The following TBC1D8 variants were observed in gnomAD, a reference collection of about 807,000 sequenced individuals.
TBC1D8 encodes the protein BUB2-like protein 1.
In TBC1D8, 65 loss-of-function variants were observed where a neutral mutation model predicts 118.8. That is an observed-to-expected ratio of 0.55 (90% CI 0.45 to 0.67). TBC1D8 has a LOEUF of 0.67. Ranked by LOEUF, TBC1D8 falls within the 30% of genes least tolerant of loss-of-function variation. TBC1D8 has a pLI of 0.00. For synonymous variants in TBC1D8, 566 were observed against 595.8 expected, an observed-to-expected ratio of 0.95 and a Z score of 0.73; for missense variants, 1,376 against 1,471.2, an observed-to-expected ratio of 0.94 and a Z score of 1.06.
chr2:101,054,406 G>A, intron 3 of TBC1D8, 70 bp from the exon 4 acceptor site: 1 of 1,487,212 alleles, frequency 6.7e-7, no homozygotes, highest in African/African-American at 1.4e-5. Context: ...CAAGGGACAG[G>A]AAGCAGGAGG....
chr2:101,036,604 A>G (rs1573911640), intron 8 of TBC1D8, among the ~76,000 whole-genome samples: 1 of 152,084 alleles, frequency 6.6e-6, no homozygotes, highest in Non-Finnish European at 1.5e-5. Context: ...GGGCATCACA[A>G]TTTCCCCTGA....
chr2:101,048,772 A>T (rs970041615), intron 5 of TBC1D8, among the ~76,000 whole-genome samples: 1 of 152,204 alleles, frequency 6.6e-6, no homozygotes, highest in Non-Finnish European at 1.5e-5. Context: ...TTATTACTGA[A>T]CACTAACTTT....
intron 1 of TBC1D8, among the ~76,000 whole-genome samples, chr2:101,112,805 T>C (rs1677663625): frequency 2.6e-5 from 4 of 152,188 alleles, no homozygotes. Context: ...CAGTAGCCCC[T>C]AACTCATGAA....
At chr2:101,073,940 T>A (rs1674642206) in intron 2 of TBC1D8, among the ~76,000 whole-genome samples, 1 of 152,264 alleles carries the variant, frequency 6.6e-6, no homozygotes, top group Non-Finnish European at 1.5e-5. Flanking sequence ...AAGTCTGTTT[T>A]GCTTTCTTAT....
chr2:101,074,364 G>A (rs1674666259), intron 2 of TBC1D8, among the ~76,000 whole-genome samples: 1 of 152,078 alleles, frequency 6.6e-6, no homozygotes, highest in Non-Finnish European at 1.5e-5. Flanking sequence ...ACCATTAACA[G>A]ACATAATAAT....
Position 101,050,508 on chromosome 2 carries a change from C to G in TBC1D8, c.765G>C (p.Val255=), listed in dbSNP as rs1174265525. The change falls in exon 5 of 20, where the codon GTG becomes GTC. Residue 255 remains valine (V), a synonymous_variant. Transcript: ENST00000409318. ...DFSMFLNLDE[V]FKVMEQLADV... is the part of the protein sequence containing the mutation. The stretch of plus-strand genomic sequence containing the variant: ...CGGCCAGCTGCTCCATGACCTTAAA[C>G]ACCTCATCCAGGTTCAGGAACATGG... The G allele has an allele frequency of 6.2e-7, 1 of 1,613,962 alleles. No homozygotes were observed. The highest frequency in any genetic ancestry group is 8.5e-7 in the Non-Finnish European group (1 of 1,179,860).
chr2:101,076,530 A>G (rs1160976272), intron 2 of TBC1D8, among the ~76,000 whole-genome samples: 1 of 152,220 alleles, frequency 6.6e-6, no homozygotes, highest in East Asian at 1.9e-4. Context: ...TCCAGTTTCC[A>G]GGAAACATGA....
intron 4 of TBC1D8, 88 bp from the exon 5 acceptor site, chr2:101,050,729 C>T (rs1682020156): frequency 9.2e-6 from 14 of 1,515,472 alleles, no homozygotes; most frequent in Non-Finnish European, 1.2e-5. Flanking sequence ...CAAAGCTCTC[C>T]TTAGGCCGAT....
chr2:101,117,062 C>G (rs1677852321), intron 1 of TBC1D8, among the ~76,000 whole-genome samples: 1 of 152,084 alleles, frequency 6.6e-6, no homozygotes, highest in Admixed American at 6.6e-5. Context: ...ACAGGGAGAG[C>G]ACTGTGTGAT....
chr2:101,122,445 G>A (rs1274491643), intron 1 of TBC1D8, among the ~76,000 whole-genome samples: 1 of 141,364 alleles, frequency 7.1e-6, no homozygotes, highest in African/African-American at 2.6e-5. Context: ...ATACAAAAAG[G>A]TTAACTGTGG....
rs900980217 is a variant in TBC1D8, at chr2:101,008,015, C to T, written c.3274G>A (p.Ala1092Thr). The part of the protein sequence containing the change: ...PQDSQAFPEA[A>T]ERDWTVSLEH... ...AGGGAGACAGTCCAGTCCCTTTCTGCCGCCTCTGGAAATGCCTGGGAGTCC... is the reference window on the plus strand; with the variant it reads ...AGGGAGACAGTCCAGTCCCTTTCTGTCGCCTCTGGAAATGCCTGGGAGTCC... Residue 1092 changes from alanine to threonine, a missense_variant, in exon 20 of 20, where the codon GCA becomes ACA. Ala to Thr is a moderately conservative substitution (Grantham distance 58). Coordinates refer to ENST00000409318, the MANE Select transcript of TBC1D8 (RefSeq NM_001330348.2). 1 of 1,613,880 alleles carries T rather than the reference C, an allele frequency of 6.2e-7. No homozygotes were observed. The highest frequency in any genetic ancestry group is 1.3e-5 in the African/African-American group (1 of 74,918).
At chr2:101,027,617 C>T (rs1039022318) in intron 14 of TBC1D8, among the ~76,000 whole-genome samples, 166 bp from the exon 15 acceptor site, 4 of 152,200 alleles carry the variant, frequency 2.6e-5, no homozygotes, top group African/African-American at 9.7e-5. Flanking sequence ...AGGTATCTTT[C>T]CCAGGTGTTT....
intron 19 of TBC1D8, among the ~76,000 whole-genome samples, chr2:101,010,047 CAA>C (rs1679085874): frequency 6.6e-6 from 1 of 151,914 alleles, no homozygotes; most frequent in Non-Finnish European, 1.5e-5. Flanking sequence ...AGGATGGTCT[CAA>C]TCTTCTGACC....
rs540199458 is a variant in TBC1D8 at position 101,130,904 on chromosome 2, C to T, written c.127+20223G>A. 1.1e-4 allele frequency among the ~76,000 whole-genome samples: 17 copies of T among 152,254 alleles called. No individual in the cohort carries two copies. The South Asian group carries it at 3.3e-3, about 30-fold the overall frequency. On this transcript the variant is annotated intron_variant, in intron 1 of 19. Coordinates refer to ENST00000409318, the MANE Select transcript of TBC1D8 (RefSeq NM_001330348.2). ...ACAATCAAGCCCCAACCTAACACTG[C>T]AATAATGCATATACATTATATCAAA...
At position 101,019,923 on chromosome 2, in the gene TBC1D8, T is replaced by C. The variant is rs143050682; in HGVS notation, c.2827+1758A>G. 4.9e-3 allele frequency among the ~76,000 whole-genome samples: 746 copies of C among 151,444 alleles called. 6 individuals are homozygous for C. The highest frequency in any genetic ancestry group is 0.016 in the African/African-American group (643 of 41,258). ...CTCTGCTAAAAAAAAATACAAAAAATTAGCTGGGCATGGTGGTGGGCGCCT... is the reference window on the plus strand; with the variant it reads ...CTCTGCTAAAAAAAAATACAAAAAACTAGCTGGGCATGGTGGTGGGCGCCT... On this transcript the variant is annotated intron_variant, in intron 17 of 19. Coordinates refer to ENST00000409318, the MANE Select transcript of TBC1D8 (RefSeq NM_001330348.2).
intron 1 of TBC1D8, among the ~76,000 whole-genome samples, chr2:101,113,035 TAA>T (rs2104213005): frequency 6.6e-6 from 1 of 152,320 alleles, no homozygotes; most frequent in East Asian, 1.9e-4. Flanking sequence ...TGAGTCTGAA[TAA>T]CGTATCACTT....
intron 1 of TBC1D8, among the ~76,000 whole-genome samples, chr2:101,116,468 T>C (rs921526082): frequency 1.3e-5 from 2 of 152,006 alleles, no homozygotes; most frequent in African/African-American, 4.8e-5. Context: ...AACAAGCAGG[T>C]GCAAAGTCCC....
intron 1 of TBC1D8, among the ~76,000 whole-genome samples, chr2:101,100,008 C>A (rs1284471711): frequency 6.6e-6 from 1 of 152,040 alleles, no homozygotes; most frequent in African/African-American, 2.4e-5. Flanking sequence ...GAAGTTCTGG[C>A]CAGGGCAATC....
intron 2 of TBC1D8, among the ~76,000 whole-genome samples, chr2:101,073,476 A>G (rs1674609108): frequency 6.6e-6 from 1 of 151,746 alleles, no homozygotes; most frequent in Non-Finnish European, 1.5e-5. Context: ...TTGTATTTTT[A>G]ATACAGATGG....
Sources: allele counts gnomAD v4.1 joint callset (sites outside exome capture counted in the v4.1 genomes callset), GRCh38; gene constraint gnomAD v4.1.1; transcripts MANE v1.5; gene names NCBI Gene and HGNC (gene_info 2026-07-23, HGNC 2026-07-21).